The following WSCD2 variants were observed in gnomAD, a reference collection of about 807,000 sequenced individuals.
WSCD2 encodes the protein sialate:O-sulfotransferase 2.
WSCD2 carries 28 observed loss-of-function variants against 55.7 expected under a neutral mutation model. The observed-to-expected ratio is 0.50, with a 90% CI of 0.37 to 0.69. The LOEUF is 0.69. Among genes scored for constraint, WSCD2 ranks in the 30% least tolerant of loss-of-function variants. WSCD2 has a pLI of 0.00. For synonymous variants in WSCD2, 301 were observed against 301.9 expected (o/e 1.00, Z 0.03); for missense variants, 616 against 762.1 (o/e 0.81, Z 2.26).
At chr12:108,161,353 G>C (rs1879033596) in intron 1 of WSCD2, among the ~76,000 whole-genome samples, 1 of 152,192 alleles carries the variant, frequency 6.6e-6, no homozygotes, top group Non-Finnish European at 1.5e-5. Flanking sequence ...AAATTAGGAT[G>C]AAGTCATAGT....
At chr12:108,165,633 C>T (rs1879527054) in intron 1 of WSCD2, among the ~76,000 whole-genome samples, 1 of 152,212 alleles carries the variant, frequency 6.6e-6, no homozygotes, top group Admixed American at 6.5e-5. Flanking sequence ...GTTGATGAGG[C>T]AGAGGTTTGG....
At chr12:108,219,856 A>G (rs1015897726) in intron 4 of WSCD2, among the ~76,000 whole-genome samples, 10 of 152,216 alleles carry the variant, frequency 6.6e-5, no homozygotes, top group African/African-American at 2.4e-4. Flanking sequence ...GGTCCCTCAA[A>G]TAAGATCCTG....
chr12:108,176,560 ATTTG>A (rs757147816), intron 1 of WSCD2, among the ~76,000 whole-genome samples: 9 of 152,316 alleles, frequency 5.9e-5, no homozygotes, highest in Non-Finnish European at 1.2e-4. Context: ...TTCATTCACC[ATTTG>A]TTTGCTTTCA....
At chr12:108,209,979 A>G in intron 3 of WSCD2, 142 bp from the exon 4 acceptor site, 4 of 1,170,346 alleles carry the variant, frequency 3.4e-6, no homozygotes, top group Non-Finnish European at 4.8e-6. Context: ...AGTTGCCCCA[A>G]CCTCCCATCA....
chr12:108,207,326 C>A (rs1320328972), intron 3 of WSCD2, among the ~76,000 whole-genome samples: 8 of 152,032 alleles, frequency 5.3e-5, no homozygotes, highest in Admixed American at 5.2e-4. Context: ...TGGAAATGGG[C>A]AAGTGGATGA....
chr12:108,240,605 G>A, intron 8 of WSCD2, 61 bp downstream of exon 8: 1 of 1,096,990 alleles, frequency 9.1e-7, no homozygotes, highest in South Asian at 1.4e-5. Context: ...GGGGCGGTGG[G>A]AGGGTCCCGT....
chr12:108,219,843 G>C (rs1349486463), intron 4 of WSCD2, among the ~76,000 whole-genome samples: 1 of 152,254 alleles, frequency 6.6e-6, no homozygotes, highest in Non-Finnish European at 1.5e-5. Context: ...AGGATTTCAT[G>C]ATGGTCCCTC....
In WSCD2 at chr12:108,152,974, C is replaced by T. The variant is rs1242531072; in HGVS notation, c.-552+23048C>T. On this transcript the variant is annotated intron_variant, in intron 1 of 8. Transcript: ENST00000547525. ...CAAAAATTAGCCAGGTGTGGTGGTG[C>T]ACACCTATAACCCCAGCTACTTGAG... Among the ~76,000 whole-genome samples, 3 of 152,070 alleles carry T rather than the reference C, an allele frequency of 2.0e-5. No homozygotes were observed. The East Asian group carries it at 5.8e-4, about 29-fold the overall frequency.
At chr12:108,224,365 C>T (rs1296161228) in intron 4 of WSCD2, among the ~76,000 whole-genome samples, 1 of 152,138 alleles carries the variant, frequency 6.6e-6, no homozygotes, top group East Asian at 1.9e-4. Flanking sequence ...GATGAGATCA[C>T]AAAAATCCTC....
intron 1 of WSCD2, among the ~76,000 whole-genome samples, chr12:108,192,177 G>C (rs2137035344): frequency 6.6e-6 from 1 of 152,354 alleles, no homozygotes; most frequent in African/African-American, 2.4e-5. Context: ...TTGAGGGGCG[G>C]AGGTGGGGCT....
Position 108,248,326 on chromosome 12 carries a change from G to T in WSCD2, c.1681G>T (p.Asp561Tyr). ...GCGGAACCTAACGGGTGTCCCCGAT[G>T]ACTACTACCCAAGATGATGCGTCCA... ...KGRNLTGVPD[D>Y]YYPR Residue 561 changes from aspartate (D) to tyrosine (Y), a missense_variant, in exon 9 of 9, where the codon GAC (aspartate) becomes TAC (tyrosine). Physicochemically the swap from Asp to Tyr is radical, Grantham distance 160. Around this residue, in one of 3 missense-constraint regions of WSCD2, gnomAD observed 234 missense variants for 264.6 expected, o/e 0.88. Coordinates refer to ENST00000547525, the MANE Select transcript of WSCD2 (RefSeq NM_014653.4). This position sits in a 1 kb window ranked among gnomAD's most constrained non-coding sequence, Gnocchi z 4.3. The T allele has an allele frequency of 1.9e-6, 3 of 1,613,362 alleles. No individual in the cohort carries two copies. The highest frequency in any genetic ancestry group is 1.1e-5 in the South Asian group (1 of 91,030).
Position 108,180,050 on chromosome 12 carries a change from C to CAA in WSCD2, c.-551-15216_-551-15215dup, listed in dbSNP as rs59925486. Among the ~76,000 whole-genome samples the CAA allele has an allele frequency of 3.3e-3, 385 of 116,664 alleles. 1 individual carries two copies. The highest frequency in any genetic ancestry group is 0.012 in the African/African-American group (375 of 31,112). The allele number at this position is 116,664 out of a possible 152,430, so 76.5% of individuals were successfully genotyped here. A position where few individuals can be genotyped will look rare whatever the true frequency, so the allele number is the denominator to read the frequency against. ...AGAGAAAGACTCCATCTCAAAAAAA[C>CAA]AAAAAAAAAAAAAAAAAGAAAAAGA... On this transcript the variant is annotated intron_variant, in intron 1 of 8. Transcript: ENST00000547525.
intron 4 of WSCD2, among the ~76,000 whole-genome samples, chr12:108,216,673 A>C (rs1886867439): frequency 6.6e-6 from 1 of 152,258 alleles, no homozygotes. Flanking sequence ...TCCCTGACAA[A>C]GCAGGTCTCT....
chr12:108,190,706 A>C (rs1883054034), intron 1 of WSCD2, among the ~76,000 whole-genome samples: 1 of 152,188 alleles, frequency 6.6e-6, no homozygotes, highest in Non-Finnish European at 1.5e-5. Flanking sequence ...CTCCTGCTGG[A>C]AACATGAACT....
chr12:108,178,783 C>T (rs1881250259), intron 1 of WSCD2, among the ~76,000 whole-genome samples: 1 of 152,130 alleles, frequency 6.6e-6, no homozygotes, highest in Non-Finnish European at 1.5e-5. Context: ...AGACTGTCTC[C>T]AAAGAAGGCC....
At chr12:108,246,703 G>A (rs1188027889) in intron 8 of WSCD2, among the ~76,000 whole-genome samples, 2 of 152,032 alleles carry the variant, frequency 1.3e-5, no homozygotes, top group Non-Finnish European at 2.9e-5. Context: ...ACACTTCCAT[G>A]AAAAATGAAG....
At chr12:108,222,753 C>G (rs1169714311) in intron 4 of WSCD2, among the ~76,000 whole-genome samples, 1 of 152,118 alleles carries the variant, frequency 6.6e-6, no homozygotes. Flanking sequence ...CTTGGCTTCA[C>G]TTTTTTTGTC....
chr12:108,140,152 A>G (rs571871050), intron 1 of WSCD2, among the ~76,000 whole-genome samples: 1 of 152,260 alleles, frequency 6.6e-6, no homozygotes, highest in South Asian at 2.1e-4. Flanking sequence ...CCTGGGTTTC[A>G]ATCCTAGCTC....
chr12:108,203,168 G>T (rs1374474285), intron 2 of WSCD2, among the ~76,000 whole-genome samples: 1 of 152,216 alleles, frequency 6.6e-6, no homozygotes, highest in Admixed American at 6.5e-5. Flanking sequence ...CTACCCTGGT[G>T]CCAAGGGACA....
Sources: allele counts gnomAD v4.1 joint callset (sites outside exome capture counted in the v4.1 genomes callset), GRCh38; gene constraint gnomAD v4.1.1; regional missense constraint gnomAD v4.1.1; non-coding constraint Gnocchi (gnomAD v3.1); transcripts MANE v1.5; gene names NCBI Gene and HGNC (gene_info 2026-07-23, HGNC 2026-07-21).